Variants in RAF1 observed in about 807,000 individuals in gnomAD.
RAF1 encodes Raf-1 proto-oncogene, serine/threonine kinase, also known as RAF proto-oncogene serine/threonine-protein kinase.
A neutral mutation model predicts 81.1 loss-of-function variants in RAF1; 27 were observed. The ratio of observed to expected loss-of-function variants is 0.33; its 90% CI spans 0.25 to 0.46. The LOEUF (loss-of-function observed/expected upper bound fraction) is 0.46. Among genes scored for constraint, RAF1 ranks in the 20% least tolerant of loss-of-function variants. RAF1 has a pLI of 1.00. For missense variants in RAF1, 598 were observed against 826.0 expected (o/e 0.72, Z 3.38); for synonymous variants, 298 against 294.0 (o/e 1.01, Z -0.14).
chr3:12,586,606 A>G (rs1265739811), intron 14 of RAF1, among the ~76,000 whole-genome samples: 1 of 152,034 alleles, frequency 6.6e-6, no homozygotes, highest in Non-Finnish European at 1.5e-5. Flanking sequence ...CCATAATCCA[A>G]CACAACTATC....
chr3:12,610,593 A>C (rs754502840), intron 3 of RAF1, among the ~76,000 whole-genome samples: 2 of 152,222 alleles, frequency 1.3e-5, no homozygotes, highest in African/African-American at 2.4e-5. Context: ...AGCAAAAGTT[A>C]ACGTCTGCTT....
chr3:12,611,389 T>A (rs1306792701), intron 3 of RAF1, among the ~76,000 whole-genome samples: 1 of 152,078 alleles, frequency 6.6e-6, no homozygotes. Context: ...GGCTAATTTT[T>A]AAAAATCTTT....
At chr3:12,616,341 AC>A (rs982627142) in intron 2 of RAF1, among the ~76,000 whole-genome samples, 6 of 152,332 alleles carry the variant, frequency 3.9e-5, no homozygotes, top group African/African-American at 1.4e-4. Flanking sequence ...TTGAAGAAGC[AC>A]CAAATGGTCT....
intron 1 of RAF1, among the ~76,000 whole-genome samples, chr3:12,660,134 A>C (rs1363341145): frequency 6.7e-6 from 1 of 149,812 alleles, no homozygotes; most frequent in Non-Finnish European, 1.5e-5. Flanking sequence ...TATAAACTAA[A>C]AGCTACTAGT....
intron 1 of RAF1, among the ~76,000 whole-genome samples, chr3:12,661,033 C>G (rs1212581742): frequency 6.6e-6 from 1 of 152,134 alleles, no homozygotes; most frequent in East Asian, 1.9e-4. Flanking sequence ...TCAACTGGGT[C>G]AAATGTTTAT....
At chr3:12,606,658 A>G (rs998021255) in intron 5 of RAF1, among the ~76,000 whole-genome samples, 1 of 151,950 alleles carries the variant, frequency 6.6e-6, no homozygotes, top group African/African-American at 2.4e-5. Context: ...CAGCCTCCCA[A>G]GTAGCTGGGA....
intron 11 of RAF1, among the ~76,000 whole-genome samples, chr3:12,595,508 T>G (rs2058657958): frequency 6.6e-6 from 1 of 152,094 alleles, no homozygotes; most frequent in African/African-American, 2.4e-5. Flanking sequence ...CAGATCCCAT[T>G]TAACCCAAAT....
intron 1 of RAF1, among the ~76,000 whole-genome samples, chr3:12,649,191 AC>A (rs752144527): frequency 1.3e-5 from 2 of 152,178 alleles, no homozygotes; most frequent in Non-Finnish European, 2.9e-5. Context: ...AACTTTAACA[AC>A]TTCTAAGAGT....
chr3:12,650,454 G>C (rs2060487310), intron 1 of RAF1, among the ~76,000 whole-genome samples: 1 of 152,132 alleles, frequency 6.6e-6, no homozygotes, highest in South Asian at 2.1e-4. Context: ...AATATCTGCT[G>C]AATATCAATG....
intron 2 of RAF1, among the ~76,000 whole-genome samples, chr3:12,614,868 CAA>C (rs1289426066): frequency 6.6e-6 from 1 of 152,108 alleles, no homozygotes; most frequent in Admixed American, 6.5e-5. Flanking sequence ...ATGAGGAAAA[CAA>C]AGAGTAATAA....
chr3:12,660,057 GA>G (rs2060827150), intron 1 of RAF1, among the ~76,000 whole-genome samples: 1 of 152,026 alleles, frequency 6.6e-6, no homozygotes, highest in South Asian at 2.1e-4. Flanking sequence ...AGTGCTTCTG[GA>G]AAAGTCAAAT....
At chr3:12,635,582 G>T (rs2059996360) in intron 1 of RAF1, among the ~76,000 whole-genome samples, 1 of 145,048 alleles carries the variant, frequency 6.9e-6, no homozygotes, top group Non-Finnish European at 1.5e-5. Flanking sequence ...GTTGCAGTGA[G>T]CCGAGATCGT....
Position 12,585,132 on chromosome 3 carries a change from T to G in RAF1, c.1718A>C (p.Asn573Thr), listed in dbSNP as rs1411490030. ...CCAGCACAGACTTACCTGATCTCGG[T>G]TGTTGATGTGAGAATAAGGAAGCTC... Residue 573 changes from asparagine to threonine, a missense_variant, in exon 16 of 18, where the codon AAC (asparagine) becomes ACC (threonine). By Grantham distance (65) the Asn-to-Thr change is moderately conservative. Coordinates refer to ENST00000442415, the MANE Select transcript of RAF1 (RefSeq NM_001354689.3). 1 of 1,614,030 alleles carries G rather than the reference T, an allele frequency of 6.2e-7. No homozygotes were observed. The highest frequency in any genetic ancestry group is 1.7e-5 in the Admixed American group (1 of 60,000).
intron 3 of RAF1, among the ~76,000 whole-genome samples, chr3:12,611,385 T>G (rs1240607451): frequency 1.3e-5 from 2 of 152,124 alleles, no homozygotes; most frequent in African/African-American, 4.8e-5. Flanking sequence ...GCCTGGCTAA[T>G]TTTTAAAAAT....
intron 1 of RAF1, among the ~76,000 whole-genome samples, chr3:12,626,987 G>A (rs922586861): frequency 4.2e-5 from 6 of 142,144 alleles, no homozygotes; most frequent in Admixed American, 7.6e-5. Context: ...CTGTGCCATT[G>A]CACTCCAGCC....
At chr3:12,617,504 C>T (rs929502650) in intron 2 of RAF1, among the ~76,000 whole-genome samples, 10 of 152,142 alleles carry the variant, frequency 6.6e-5, no homozygotes, top group East Asian at 3.9e-4. Context: ...CTGCCCACCT[C>T]GGTCTCCCAA....
chr3:12,654,044 C>T (rs1441618361), intron 1 of RAF1, among the ~76,000 whole-genome samples: 3 of 150,982 alleles, frequency 2.0e-5, no homozygotes, highest in African/African-American at 7.3e-5. Flanking sequence ...CAGGCTAGAG[C>T]ACCATGGCAC....
chr3:12,630,302 T>C (rs1334284443), intron 1 of RAF1, among the ~76,000 whole-genome samples: 1 of 152,134 alleles, frequency 6.6e-6, no homozygotes, highest in Non-Finnish European at 1.5e-5. Flanking sequence ...CATATACCAA[T>C]TTTCGTCACT....
intron 13 of RAF1, chr3:12,590,327 C>CT (rs11285580): frequency 1.1e-4 from 16 of 149,956 alleles, no homozygotes; most frequent in South Asian, 3.8e-4. Flanking sequence ...CTGAACTTCT[C>CT]TTTTTTTTTT....
Sources: allele counts gnomAD v4.1 joint callset (sites outside exome capture counted in the v4.1 genomes callset), GRCh38; gene constraint gnomAD v4.1.1; transcripts MANE v1.5; gene names NCBI Gene and HGNC (gene_info 2026-07-23, HGNC 2026-07-21).